SIN3A: variants seen among roughly 807,000 people sequenced by gnomAD.
SIN3A encodes SIN3 transcription regulator family member A, also known as paired amphipathic helix protein Sin3a.
A neutral mutation model predicts 146.1 loss-of-function variants in SIN3A; 14 were observed. The observed-to-expected ratio is 0.10, with a 90% CI of 0.06 to 0.15. SIN3A has a LOEUF of 0.15. Ranked by LOEUF, SIN3A falls within the 10% of genes least tolerant of loss-of-function variation. The pLI is 1.00. For missense variants in SIN3A, 1,028 were observed against 1,576.0 expected (o/e 0.65, Z 5.89); for synonymous variants, 572 against 572.0 (o/e 1.00, Z 0.00).
chr15:75,441,425 C>G (rs1202725344), intron 1 of SIN3A, among the ~76,000 whole-genome samples: 1 of 152,192 alleles, frequency 6.6e-6, no homozygotes, highest in East Asian at 1.9e-4. Context: ...CCCACCTCAG[C>G]TTCCTAAGTA....
chr15:75,382,165 T>C (rs1163802008), intron 17 of SIN3A, among the ~76,000 whole-genome samples: 1 of 152,222 alleles, frequency 6.6e-6, no homozygotes, highest in Non-Finnish European at 1.5e-5. Flanking sequence ...TTCTTCATTT[T>C]ACACAGAGAC....
At chr15:75,423,800 C>T (rs1398280549) in intron 2 of SIN3A, among the ~76,000 whole-genome samples, 1 of 152,072 alleles carries the variant, frequency 6.6e-6, no homozygotes, top group African/African-American at 2.4e-5. Flanking sequence ...TGAGACCAGC[C>T]TGGCCAACAT....
chr15:75,384,668 T>G (rs948295726), intron 16 of SIN3A, among the ~76,000 whole-genome samples: 1 of 152,174 alleles, frequency 6.6e-6, no homozygotes, highest in Non-Finnish European at 1.5e-5. Flanking sequence ...GGTAAAACTT[T>G]CCTATCTATT....
At chr15:75,383,418 T>C (rs2073013676) in intron 17 of SIN3A, among the ~76,000 whole-genome samples, 1 of 152,138 alleles carries the variant, frequency 6.6e-6, no homozygotes, top group Admixed American at 6.5e-5. Flanking sequence ...TTTTTGGTTA[T>C]CTGCATTTTA....
chr15:75,375,174 G>A (rs1464628964), intron 20 of SIN3A, among the ~76,000 whole-genome samples: 3 of 152,168 alleles, frequency 2.0e-5, no homozygotes, highest in Non-Finnish European at 4.4e-5. Flanking sequence ...TGTAATGCTA[G>A]CACTTTGAGA....
At chr15:75,379,177 C>T (rs935847421) in intron 19 of SIN3A, among the ~76,000 whole-genome samples, 1 of 152,132 alleles carries the variant, frequency 6.6e-6, no homozygotes, top group Admixed American at 6.5e-5. Flanking sequence ...GAGTTACAGG[C>T]GTGAGCCACT....
intron 2 of SIN3A, among the ~76,000 whole-genome samples, chr15:75,428,698 T>C (rs1194042152): frequency 2.6e-5 from 4 of 152,120 alleles, no homozygotes; most frequent in South Asian, 2.1e-4. Context: ...GGGCTTGCTA[T>C]GTTGCCCAGG....
In SIN3A at chr15:75,412,925, GT is replaced by G. The variant is rs1567371295; in HGVS notation, c.593del (p.Asp198AlafsTer3). On this transcript the variant is annotated frameshift_variant, in exon 5 of 21. Transcript: ENST00000394947. LOFTEE classifies it high-confidence loss of function. ...PGYKIEVQTN[D>X]MVNVTTPGQV... ...GGCCAGGAGTTGTCACATTCACCAT[GT>G]CATTGGTTTGCACCTCAATTTTGTA... 6.2e-7 allele frequency: 1 copy of G among 1,614,070 alleles called. No individual in the cohort carries two copies. The highest frequency in any genetic ancestry group is 1.3e-5 in the African/African-American group (1 of 75,006).
At chr15:75,438,619 G>A (rs1173093254) in intron 1 of SIN3A, among the ~76,000 whole-genome samples, 1 of 152,056 alleles carries the variant, frequency 6.6e-6, no homozygotes, top group Non-Finnish European at 1.5e-5. Flanking sequence ...AGCCTGGGAG[G>A]TTGAGGCTAC....
intron 3 of SIN3A, among the ~76,000 whole-genome samples, chr15:75,418,916 G>A (rs1051939627): frequency 3.3e-5 from 5 of 151,970 alleles, no homozygotes; most frequent in East Asian, 1.9e-4. Flanking sequence ...CACCACGGCC[G>A]GCTAATTTTT....
intron 15 of SIN3A, 34 bp from the exon 16 acceptor site, chr15:75,389,855 T>C: frequency 1.2e-6 from 2 of 1,605,886 alleles, no homozygotes; most frequent in South Asian, 2.2e-5. Context: ...AGGCCTTACC[T>C]TGCTAAGAAA....
intron 20 of SIN3A, among the ~76,000 whole-genome samples, chr15:75,375,146 G>A (rs1198466230): frequency 6.6e-6 from 1 of 152,126 alleles, no homozygotes; most frequent in Non-Finnish European, 1.5e-5. Flanking sequence ...ATGTTGGCCG[G>A]GCATGGTGGC....
At chr15:75,396,712 TAAAGTATTTAGCAC>T (rs909196431) in intron 12 of SIN3A, among the ~76,000 whole-genome samples, 2 of 152,162 alleles carry the variant, frequency 1.3e-5, no homozygotes, top group African/African-American at 4.8e-5. Flanking sequence ...ACAATCCACA[TAAAGTATTTAGCAC>T]AATACCTGGC....
At chr15:75,397,416 G>T (rs1454467201) in intron 12 of SIN3A, among the ~76,000 whole-genome samples, 1 of 152,134 alleles carries the variant, frequency 6.6e-6, no homozygotes, top group Admixed American at 6.5e-5. Context: ...TAGAAGTAAT[G>T]TTTATTACTT....
chr15:75,410,319 G>T (rs747921710), intron 6 of SIN3A, 33 bp from the exon 7 acceptor site: 11 of 1,604,390 alleles, frequency 6.9e-6, no homozygotes, highest in Non-Finnish European at 8.5e-6. Context: ...AGATCATTTG[G>T]GCTACTGTTT....
At chr15:75,422,570 C>G (rs1221236942) in intron 3 of SIN3A, 77 bp downstream of exon 3, 2 of 1,509,454 alleles carry the variant, frequency 1.3e-6, no homozygotes, top group South Asian at 2.2e-5. Flanking sequence ...AGTTGTACCA[C>G]CACAACCAAC....
upstream of SIN3A, chr15:75,453,860 C>G (rs912197052): frequency 6.6e-6 from 1 of 152,414 alleles, no homozygotes; most frequent in South Asian, 2.1e-4. Flanking sequence ...GGCTTCACCC[C>G]GAAGGCTACT....
intron 8 of SIN3A, among the ~76,000 whole-genome samples, chr15:75,408,635 T>C (rs887669394): frequency 1.3e-5 from 2 of 152,216 alleles, no homozygotes; most frequent in South Asian, 2.1e-4. Context: ...AGACCATCAG[T>C]GTTAACTATA....
At chr15:75,373,114 T>C (rs771840805) in intron 20 of SIN3A, among the ~76,000 whole-genome samples, 3 of 152,164 alleles carry the variant, frequency 2.0e-5, no homozygotes, top group Non-Finnish European at 1.5e-5. Context: ...TAAAAATTTA[T>C]TGGTGTCCAC....
Sources: allele counts gnomAD v4.1 joint callset (sites outside exome capture counted in the v4.1 genomes callset), GRCh38; gene constraint gnomAD v4.1.1; transcripts MANE v1.5; gene names NCBI Gene and HGNC (gene_info 2026-07-23, HGNC 2026-07-21).